The following SAXO1 variants were observed in gnomAD, a reference collection of about 807,000 sequenced individuals.
SAXO1 encodes the protein 4930500O09Rik.
In SAXO1, 21 loss-of-function variants were observed where a neutral mutation model predicts 17.5. That is an observed-to-expected ratio of 1.20 (90% CI 0.85 to 1.72). SAXO1 has a LOEUF of 1.72. SAXO1 is among the 40% of genes most tolerant of loss of function. The probability of loss-of-function intolerance (pLI) is 0.00; values close to 1 mark genes in which losing one functional copy is unlikely to be tolerated. For synonymous variants in SAXO1, 274 were observed against 216.5 expected (o/e 1.27, Z -2.33); for missense variants, 843 against 596.0 (o/e 1.41, Z -4.32).
chr9:18,978,652 C>T (rs549182197), intron 1 of SAXO1, among the ~76,000 whole-genome samples: 6 of 152,188 alleles, frequency 3.9e-5, no homozygotes, highest in African/African-American at 9.7e-5. Context: ...AATAATTGCC[C>T]GTTATTGCAT....
rs1363759509 is a variant in SAXO1 at position 18,928,933 on chromosome 9, G to C, written c.544C>G (p.Leu182Val). 1 of 1,614,178 alleles carries C rather than the reference G, an allele frequency of 6.2e-7. No homozygotes were observed. The highest frequency in any genetic ancestry group is 1.7e-5 in the Admixed American group (1 of 60,026). The change falls in exon 4 of 4, where the codon CTT becomes GTT. Residue 182 changes from leucine (L) to valine (V), a missense_variant. Transcript: ENST00000380534. ...GGTTTACAGCTTATGGTCTTCACAA[G>C]GCCTTTTATGGGGTAATCGTCCTGG... is the stretch of plus-strand genomic sequence containing the variant. Reference protein sequence around the residue: ...THQDDYPIKGLVKTISCKPLA... With the variant: ...THQDDYPIKGVVKTISCKPLA...
At chr9:19,029,365 G>A (rs964969672) in intron 1 of SAXO1, among the ~76,000 whole-genome samples, 1 of 152,180 alleles carries the variant, frequency 6.6e-6, no homozygotes, top group Non-Finnish European at 1.5e-5. Flanking sequence ...AGCCCAGAGA[G>A]AACCAGTGAC....
At chr9:18,953,318 A>G (rs1384811622) in intron 1 of SAXO1, among the ~76,000 whole-genome samples, 3 of 152,124 alleles carry the variant, frequency 2.0e-5, no homozygotes, top group Non-Finnish European at 4.4e-5. Context: ...CCCCCTTTCC[A>G]TATTGTTACT....
chr9:18,941,875 G>A (rs770187810), intron 2 of SAXO1, 36 bp from the exon 3 acceptor site: 6 of 1,597,906 alleles, frequency 3.8e-6, no homozygotes, highest in Non-Finnish European at 4.3e-6. Flanking sequence ...TGGGGTCCTT[G>A]GCTTGCGATA....
At chr9:18,933,965 G>A (rs1479110165) in intron 3 of SAXO1, among the ~76,000 whole-genome samples, 2 of 152,158 alleles carry the variant, frequency 1.3e-5, no homozygotes, top group Admixed American at 6.5e-5. Flanking sequence ...AGAATGGTGT[G>A]AACCCGGGAG....
intron 1 of SAXO1, among the ~76,000 whole-genome samples, chr9:18,968,353 A>G (rs893574739): frequency 1.3e-5 from 2 of 152,160 alleles, no homozygotes; most frequent in Admixed American, 6.5e-5. Flanking sequence ...CCAGAAATAC[A>G]TTTTTAAGAG....
At chr9:19,048,838 A>G (rs189045543) in intron 1 of SAXO1, among the ~76,000 whole-genome samples, 1 of 152,354 alleles carries the variant, frequency 6.6e-6, no homozygotes, top group African/African-American at 2.4e-5. Context: ...TATAAATTCT[A>G]AAGTCTGAGA....
intron 1 of SAXO1, among the ~76,000 whole-genome samples, chr9:19,022,484 C>G (rs928201430): frequency 4.6e-5 from 7 of 152,194 alleles, no homozygotes; most frequent in Admixed American, 4.6e-4. Context: ...ATTGACTCTG[C>G]TCTTCATTTG....
rs1830901497 is a variant in SAXO1 at position 18,928,760 on chromosome 9, A to C, written c.717T>G (p.Thr239=). The C allele has an allele frequency of 1.2e-6, 2 of 1,613,896 alleles. No individual in the cohort carries two copies. The highest frequency in any genetic ancestry group is 1.7e-6 in the Non-Finnish European group (2 of 1,179,986). Residue 239 remains threonine (T), a synonymous_variant, in exon 4 of 4, where the codon ACT becomes ACG. Transcript: ENST00000380534. The part of the protein sequence containing the change: ...PCEIPFESLT[T]QKQSYRGLMG... ...TCAGGCCCCGGTAGGATTGTTTTTG[A>C]GTGGTAAGGCTTTCAAAGGGGATTT...
intron 1 of SAXO1, among the ~76,000 whole-genome samples, chr9:18,963,479 G>A (rs1342686458): frequency 1.3e-5 from 2 of 152,144 alleles, no homozygotes; most frequent in East Asian, 1.9e-4. Context: ...ATTTCCTTGA[G>A]CAGTGGCTTG....
At chr9:18,938,844 G>GTGTGTGTGTA in intron 3 of SAXO1, among the ~76,000 whole-genome samples, 1 of 150,774 alleles carries the variant, frequency 6.6e-6, no homozygotes, top group African/African-American at 2.4e-5. Flanking sequence ...GTGTGTGTGT[G>GTGTGTGTGTA]TGTGTGTGTA....
chr9:18,991,575 G>A (rs1454351238), intron 1 of SAXO1, among the ~76,000 whole-genome samples: 1 of 152,108 alleles, frequency 6.6e-6, no homozygotes, highest in Non-Finnish European at 1.5e-5. Context: ...GCGGAGTGGG[G>A]GAAAGGGGGA....
intron 1 of SAXO1, chr9:19,028,073 A>G: frequency 6.2e-7 from 1 of 1,611,990 alleles, no homozygotes; most frequent in Non-Finnish European, 8.5e-7. Context: ...CACGAGGACT[A>G]CATGGAAGGC....
intron 1 of SAXO1, among the ~76,000 whole-genome samples, chr9:19,020,122 G>C (rs1009653848): frequency 3.3e-5 from 5 of 151,794 alleles, no homozygotes; most frequent in African/African-American, 1.2e-4. Context: ...ATTGAGCGTA[G>C]CACTAAGTTA....
chr9:18,996,422 T>C lies in SAXO1; in HGVS notation c.38+36449A>G, dbSNP rs139139286. On this transcript the variant is annotated intron_variant, in intron 1 of 3. Transcript: ENST00000380534. Reference sequence around the variant, plus strand: ...AACCTAGGCTATATGGTATAACCTATTGCTCCTAGGCTGTAAGCCTGTACA... The same window carrying C: ...AACCTAGGCTATATGGTATAACCTACTGCTCCTAGGCTGTAAGCCTGTACA... 2.6e-3 allele frequency among the ~76,000 whole-genome samples: 397 copies of C among 152,356 alleles called. 1 individual carries two copies. Among genetic ancestry groups the C allele is most frequent in the Non-Finnish European group, 4.1e-3 (280 of 68,034 alleles).
At chr9:19,047,080 G>A (rs1424553332) in intron 1 of SAXO1, among the ~76,000 whole-genome samples, 2 of 152,156 alleles carry the variant, frequency 1.3e-5, no homozygotes, top group East Asian at 1.9e-4. Flanking sequence ...CCAGCTACTC[G>A]GGAGGCTGAG....
intron 1 of SAXO1, among the ~76,000 whole-genome samples, chr9:19,043,641 A>T (rs1836132241): frequency 6.6e-6 from 1 of 151,848 alleles, no homozygotes; most frequent in Non-Finnish European, 1.5e-5. Flanking sequence ...GTAGTGCGTA[A>T]CTGTAGTCCC....
intron 1 of SAXO1, among the ~76,000 whole-genome samples, chr9:19,017,684 C>G (rs1225511622): frequency 1.3e-5 from 2 of 152,254 alleles, no homozygotes; most frequent in Non-Finnish European, 1.5e-5. Flanking sequence ...GTTACTTCAA[C>G]CAAGAATCCT....
chr9:18,991,754 A>G (rs1833825628), intron 1 of SAXO1, among the ~76,000 whole-genome samples: 2 of 152,180 alleles, frequency 1.3e-5, no homozygotes, highest in African/African-American at 4.8e-5. Flanking sequence ...AATAAATGTA[A>G]TGTACTTGAA....
Sources: allele counts gnomAD v4.1 joint callset (sites outside exome capture counted in the v4.1 genomes callset), GRCh38; gene constraint gnomAD v4.1.1; transcripts MANE v1.5; gene names NCBI Gene and HGNC (gene_info 2026-07-23, HGNC 2026-07-21).